Variants in WDFY3 observed in about 807,000 individuals in gnomAD.
The protein encoded by WDFY3 is WD repeat and FYVE domain containing 3.
WDFY3 carries 66 observed loss-of-function variants against 409.6 expected under a neutral mutation model. That is an observed-to-expected ratio of 0.16 (90% confidence interval 0.13 to 0.20). The LOEUF is 0.20. Among genes scored for constraint, WDFY3 ranks in the 10% least tolerant of loss-of-function variants. The pLI, the probability that WDFY3 is intolerant of heterozygous loss-of-function variation, is 1.00. For missense variants in WDFY3, 3,031 were observed against 4,298.1 expected, an observed-to-expected ratio of 0.71 and a Z score of 8.24; for synonymous variants, 1,521 against 1,537.1, an observed-to-expected ratio of 0.99 and a Z score of 0.25.
At chr4:84,836,745 A>G (rs540216291) in intron 7 of WDFY3, among the ~76,000 whole-genome samples, 184 bp downstream of exon 7, 25 of 152,348 alleles carry the variant, frequency 1.6e-4, no homozygotes, top group African/African-American at 6.0e-4. Context: ...AATATTCCTG[A>G]AAAGAATATT....
At chr4:84,947,317 C>T (rs879532742) in intron 1 of WDFY3, among the ~76,000 whole-genome samples, 29 of 148,638 alleles carry the variant, frequency 2.0e-4, no homozygotes, top group Non-Finnish European at 3.4e-4. Flanking sequence ...TGGAGACCAT[C>T]CTGGCTAACA....
chr4:84,739,406 T>C (rs1463723734), intron 39 of WDFY3: 3 of 322,454 alleles, frequency 9.3e-6, no homozygotes, highest in Non-Finnish European at 1.8e-5. Context: ...TTACAAAATG[T>C]TCATTCAACT....
rs199760317 is a variant in WDFY3 at position 84,822,460 on chromosome 4, TG to T, written c.1124-910del. Among the ~76,000 whole-genome samples the T allele has an allele frequency of 7.0e-3, 1,066 of 152,188 alleles. 11 individuals are homozygous for T. Among genetic ancestry groups the T allele is most frequent in the African/African-American group, 0.025 (1,021 of 41,522 alleles). On this transcript the variant is annotated intron_variant, in intron 10 of 67. Coordinates refer to ENST00000295888, the MANE Select transcript of WDFY3 (RefSeq NM_014991.6). ...GCTCACACCGGTAGTCCTAGCACTT[TG>T]GGAAGACTGCCTGAGGCCAGGAGTT...
intron 1 of WDFY3, among the ~76,000 whole-genome samples, chr4:84,943,884 A>G (rs1772465813): frequency 6.6e-6 from 1 of 152,196 alleles, no homozygotes; most frequent in South Asian, 2.1e-4. Context: ...ACAGACATAA[A>G]GTCTAAAATT....
intron 67 of WDFY3, 95 bp downstream of exon 67, chr4:84,677,104 G>T: frequency 1.4e-6 from 2 of 1,433,948 alleles, no homozygotes; most frequent in Non-Finnish European, 1.9e-6. Flanking sequence ...ACTGTAGTGG[G>T]GACGCCAGGG....
intron 1 of WDFY3, 143 bp downstream of exon 1, chr4:84,966,065 GC>G (rs959083055): frequency 2.0e-5 from 3 of 152,188 alleles, no homozygotes; most frequent in African/African-American, 7.2e-5. Flanking sequence ...CTGGGCCGCG[GC>G]CTGTCCCTAG....
intron 3 of WDFY3, among the ~76,000 whole-genome samples, chr4:84,867,960 A>G (rs529162121): frequency 3.2e-4 from 48 of 152,054 alleles, no homozygotes; most frequent in Middle Eastern, 6.8e-3. Context: ...CACAAGGTCA[A>G]GAGATCAAGA....
intron 2 of WDFY3, among the ~76,000 whole-genome samples, chr4:84,898,822 G>A (rs1018103476): frequency 1.3e-5 from 2 of 152,174 alleles, no homozygotes; most frequent in African/African-American, 2.4e-5. Flanking sequence ...CCTTCCATCT[G>A]TAGGATGCTG....
chr4:84,705,323 G>T, intron 54 of WDFY3, 71 bp downstream of exon 54: 1 of 1,192,818 alleles, frequency 8.4e-7, no homozygotes, highest in Non-Finnish European at 1.2e-6. Context: ...ATGTAGGAAT[G>T]TCAGACCGCT....
chr4:84,844,747 C>G (rs2150060867), intron 5 of WDFY3, among the ~76,000 whole-genome samples: 1 of 152,306 alleles, frequency 6.6e-6, no homozygotes, highest in East Asian at 1.9e-4. Flanking sequence ...TATAAATTGA[C>G]CATGTGCCCT....
intron 25 of WDFY3, among the ~76,000 whole-genome samples, chr4:84,781,392 G>GT (rs1299711060): frequency 0.014 from 1,773 of 126,898 alleles, 17 homozygotes; most frequent in South Asian, 0.025. Flanking sequence ...TTTCCCTTTT[G>GT]TTTTTTTTTT....
intron 2 of WDFY3, among the ~76,000 whole-genome samples, chr4:84,913,183 A>T (rs1031301653): frequency 5.9e-5 from 9 of 152,200 alleles, no homozygotes; most frequent in African/African-American, 1.9e-4. Flanking sequence ...TAAGGGCATT[A>T]TAAAGACCTT....
Position 84,841,240 on chromosome 4 carries a change from G to C in WDFY3, c.328C>G (p.Gln110Glu). 1 of 1,612,662 alleles carries C rather than the reference G, an allele frequency of 6.2e-7. No homozygotes were observed. The highest frequency in any genetic ancestry group is 1.1e-5 in the South Asian group (1 of 90,622). Residue 110 changes from glutamine to glutamate, a missense_variant, in exon 6 of 68, where the codon CAG becomes GAG. By Grantham distance (29) the Gln-to-Glu change is conservative. This residue lies in a region of WDFY3 where 1,322 missense variants were observed against 1,697.9 expected (regional missense o/e 0.78). Coordinates refer to ENST00000295888, the MANE Select transcript of WDFY3 (RefSeq NM_014991.6). The stretch of plus-strand genomic sequence containing the variant: ...TCACTCTGATTAATCTCTAGGAACT[G>C]AACTATGGCCCGACTTGCAGCCTCT... Reference protein sequence around the residue: ...STEAASRAIVQFLEINQSEEA... With the variant: ...STEAASRAIVEFLEINQSEEA...
chr4:84,950,019 C>T (rs1245950118), intron 1 of WDFY3, among the ~76,000 whole-genome samples: 3 of 152,100 alleles, frequency 2.0e-5, no homozygotes, highest in Non-Finnish European at 4.4e-5. Context: ...TGATGATAGA[C>T]TGGATAAAGA....
chr4:84,705,206 A>G (rs1731728917), intron 54 of WDFY3, among the ~76,000 whole-genome samples, 188 bp downstream of exon 54: 1 of 152,250 alleles, frequency 6.6e-6, no homozygotes, highest in African/African-American at 2.4e-5. Flanking sequence ...CCTTCTAAGC[A>G]TGGCCATAAG....
chr4:84,687,299 A>T (rs1728492191), intron 62 of WDFY3, among the ~76,000 whole-genome samples: 1 of 151,944 alleles, frequency 6.6e-6, no homozygotes, highest in Non-Finnish European at 1.5e-5. Flanking sequence ...ACCCACCACC[A>T]GCCCGGCTAA....
rs1487056418 is a variant in WDFY3 at position 84,820,077 on chromosome 4, T to C, written c.1693+8A>G. The C allele has an allele frequency of 1.9e-6, 3 of 1,591,770 alleles. No individual in the cohort carries two copies. The highest frequency in any genetic ancestry group is 1.4e-5 in the African/African-American group (1 of 73,748). Reference sequence around the variant, plus strand: ...CCCAAAGTATTTGCTTGCAGCTTTTTAAATTACCTGCATTTGTGTTTGATC... The same window carrying C: ...CCCAAAGTATTTGCTTGCAGCTTTTCAAATTACCTGCATTTGTGTTTGATC... On this transcript the variant is annotated splice_region_variant and intron_variant, in intron 12 of 67. Transcript: ENST00000295888.
chr4:84,879,159 C>T (rs1305050931), intron 3 of WDFY3, among the ~76,000 whole-genome samples: 3 of 152,120 alleles, frequency 2.0e-5, no homozygotes, highest in Non-Finnish European at 2.9e-5. Flanking sequence ...CTGCCCTAGC[C>T]CTCCCCTCAT....
intron 53 of WDFY3, among the ~76,000 whole-genome samples, chr4:84,705,939 C>T (rs984708334): frequency 1.3e-5 from 2 of 152,024 alleles, no homozygotes; most frequent in African/African-American, 2.4e-5. Context: ...CCTCCACCCC[C>T]GCCCTGTCTC....
Sources: allele counts gnomAD v4.1 joint callset (sites outside exome capture counted in the v4.1 genomes callset), GRCh38; gene constraint gnomAD v4.1.1; regional missense constraint gnomAD v4.1.1; transcripts MANE v1.5; gene names NCBI Gene and HGNC (gene_info 2026-07-23, HGNC 2026-07-21).